TRIM69: variants seen among roughly 807,000 people sequenced by gnomAD.
The protein encoded by TRIM69 is tripartite motif containing 69, also known as E3 ubiquitin-protein ligase TRIM69.
In TRIM69, 29 loss-of-function variants were observed where a neutral mutation model predicts 37.7. That is an observed-to-expected ratio of 0.77 (90% CI 0.57 to 1.05). The LOEUF (loss-of-function observed/expected upper bound fraction) is 1.05, where lower values mean the gene tolerates loss of function less well. TRIM69 is among the 50% of genes least tolerant of loss of function. TRIM69 has a pLI of 0.00. For missense variants in TRIM69, 596 were observed against 579.9 expected, an observed-to-expected ratio of 1.03 and a Z score of -0.28; for synonymous variants, 209 against 212.4, an observed-to-expected ratio of 0.98 and a Z score of 0.14.
rs530963494 is a variant in TRIM69 at position 44,744,927 on chromosome 15, G to A, written c.6+8217G>A. ...CTGCCACCTGGGGAAAGGCATAATA[G>A]TTGGGGCAAACAATAGAGTAACCAA... On this transcript the variant is annotated intron_variant, in intron 1 of 6. Coordinates refer to ENST00000329464, the MANE Select transcript of TRIM69 (RefSeq NM_182985.5). Among the ~76,000 whole-genome samples the A allele has an allele frequency of 8.0e-4, 122 of 152,236 alleles. 1 individual carries two copies. Among genetic ancestry groups the A allele is most frequent in the Non-Finnish European group, 1.4e-3 (94 of 67,994 alleles).
chr15:44,764,721 A>AT (rs2087850684), intron 6 of TRIM69, among the ~76,000 whole-genome samples: 1 of 152,210 alleles, frequency 6.6e-6, no homozygotes, highest in South Asian at 2.1e-4. Context: ...AGCTTAGGGA[A>AT]TTTTTCAATT....
At chr15:44,745,432 G>C (rs2087385171) in intron 1 of TRIM69, among the ~76,000 whole-genome samples, 1 of 152,048 alleles carries the variant, frequency 6.6e-6, no homozygotes, top group South Asian at 2.1e-4. Flanking sequence ...CAGAGAAGGT[G>C]GAAGATTCTG....
At chr15:44,745,069 T>TA (rs35438847) in intron 1 of TRIM69, among the ~76,000 whole-genome samples, 32 of 138,092 alleles carry the variant, frequency 2.3e-4, no homozygotes, top group Admixed American at 4.4e-4. Flanking sequence ...GAGTGCATAC[T>TA]AAAAAAAAAA....
At chr15:44,744,098 C>G (rs1052227904) in intron 1 of TRIM69, among the ~76,000 whole-genome samples, 3 of 151,748 alleles carry the variant, frequency 2.0e-5, no homozygotes, top group South Asian at 2.1e-4. Context: ...AAATGTGGCA[C>G]ATATACACCA....
At chr15:44,758,597 G>C (rs771285499) in intron 3 of TRIM69, 24 bp from the exon 4 acceptor site, 1 of 1,613,024 alleles carries the variant, frequency 6.2e-7, no homozygotes, top group African/African-American at 1.3e-5. Context: ...CAATAACCAT[G>C]GTGATAATCA....
At chr15:44,754,124 CTT>C (rs66486757) in intron 1 of TRIM69, 85,238 of 121,938 alleles carry the variant, frequency 0.7, 29,842 homozygotes, top group Middle Eastern at 0.79. Flanking sequence ...TTGGTCATTC[CTT>C]TTTTTTTTTT....
chr15:44,758,743 G>A lies in TRIM69; in HGVS notation c.702G>A (p.Glu234=). 1 of 1,614,192 alleles carries A rather than the reference G, an allele frequency of 6.2e-7. No homozygotes were observed. Among genetic ancestry groups the A allele is most frequent in the African/African-American group, 1.3e-5 (1 of 75,058 alleles). Reference sequence around the variant, plus strand: ...GGGAAGAGGGGAAAGCCTTGAATGAGGAGATGGAGTTGAATCTGAGCCAGC... The same window carrying A: ...GGGAAGAGGGGAAAGCCTTGAATGAAGAGATGGAGTTGAATCTGAGCCAGC... ...ELREEGKALN[E]EMELNLSQLQ... is the part of the protein sequence containing the mutation. The change falls in exon 4 of 7, where the codon GAG becomes GAA. Residue 234 remains glutamate, a synonymous_variant. Coordinates refer to ENST00000329464, the MANE Select transcript of TRIM69 (RefSeq NM_182985.5).
chr15:44,748,962 C>G (rs889368321), intron 1 of TRIM69, among the ~76,000 whole-genome samples: 5 of 151,910 alleles, frequency 3.3e-5, no homozygotes, highest in Non-Finnish European at 5.9e-5. Context: ...CTCACTGCAG[C>G]CTTAACAGTC....
intron 1 of TRIM69, among the ~76,000 whole-genome samples, chr15:44,752,448 T>C (rs1182894480): frequency 6.6e-6 from 1 of 152,204 alleles, no homozygotes; most frequent in Non-Finnish European, 1.5e-5. Context: ...AGCTACTCCA[T>C]CTTTTTTGGG....
intron 1 of TRIM69, among the ~76,000 whole-genome samples, chr15:44,745,848 G>A (rs1255293125): frequency 1.3e-5 from 2 of 152,102 alleles, no homozygotes; most frequent in Non-Finnish European, 2.9e-5. Flanking sequence ...TTGAGATTAT[G>A]CTGAAGATCA....
rs780565956 is a variant in TRIM69, at chr15:44,767,574, A to G, written c.1305A>G (p.Thr435=). 15 of 1,614,058 alleles carry G rather than the reference A, an allele frequency of 9.3e-6. No individual in the cohort carries two copies. The African/African-American group carries it at 1.9e-4, about 20-fold the overall frequency. ...TGGATTTGCCTTCTTTCAGTCTGAC[A>G]CTGACTAACAACCTCGACAAGGTGG... ...KALDLPSFSL[T]LTNNLDKVGI... Residue 435 remains threonine (T), a synonymous_variant, in exon 7 of 7, where the codon ACA becomes ACG. Transcript: ENST00000329464.
chr15:44,751,758 G>T (rs1297436539), intron 1 of TRIM69, among the ~76,000 whole-genome samples: 3 of 151,962 alleles, frequency 2.0e-5, no homozygotes, highest in African/African-American at 7.3e-5. Flanking sequence ...TTGTTTATTT[G>T]TTTTTGAGAC....
intron 4 of TRIM69, among the ~76,000 whole-genome samples, chr15:44,759,437 G>T (rs2087725525): frequency 1.3e-5 from 2 of 152,208 alleles, no homozygotes; most frequent in Admixed American, 1.3e-4. Context: ...CTGTAGAAGA[G>T]AACTCTAGAA....
Position 44,758,704 on chromosome 15 carries a change from T to G in TRIM69, c.663T>G (p.Ile221Met). 6.2e-7 allele frequency: 1 copy of G among 1,614,104 alleles called. No individual in the cohort carries two copies. Among genetic ancestry groups the G allele is most frequent in the South Asian group, 1.1e-5 (1 of 91,078 alleles). The change falls in exon 4 of 7, where the codon ATT becomes ATG. Residue 221 changes from isoleucine to methionine, a missense_variant. By Grantham distance (10) the Ile-to-Met change is conservative (BLOSUM62 1). Transcript: ENST00000329464. ...HQFLHSKEKD[I>M]LTELREEGKA... ...TCCTGCACAGCAAAGAAAAGGACAT[T>G]TTAACTGAGCTCCGGGAAGAGGGGA...
chr15:44,743,782 G>T (rs1487763011), intron 1 of TRIM69, among the ~76,000 whole-genome samples: 4 of 152,146 alleles, frequency 2.6e-5, no homozygotes, highest in African/African-American at 7.2e-5. Flanking sequence ...AGTTAGAATG[G>T]CATCATTGAA....
At chr15:44,747,295 G>T (rs1246808556) in intron 1 of TRIM69, among the ~76,000 whole-genome samples, 2 of 152,186 alleles carry the variant, frequency 1.3e-5, no homozygotes, top group East Asian at 3.8e-4. Context: ...CAACCCTGCA[G>T]TGTTGATCAT....
At chr15:44,740,512 T>A (rs2087258363) in intron 1 of TRIM69, among the ~76,000 whole-genome samples, 1 of 152,184 alleles carries the variant, frequency 6.6e-6, no homozygotes, top group South Asian at 2.1e-4. Flanking sequence ...ATAACTAGAA[T>A]AACCAATACA....
In TRIM69 at chr15:44,760,504, CTCA is replaced by C. The variant is rs1325539106; in HGVS notation, c.961+637_961+639del. On this transcript the variant is annotated intron_variant, in intron 6 of 6. Transcript: ENST00000329464. Reference sequence around the variant, plus strand: ...ATAGAGTTTTTATAGAATTCATAGACTCATCATTATTATTATTGTTTATGGTTA... The same window carrying C: ...ATAGAGTTTTTATAGAATTCATAGACTCATTATTATTATTGTTTATGGTTA... Among the ~76,000 whole-genome samples, 7 of 152,062 alleles carry C rather than the reference CTCA, an allele frequency of 4.6e-5. No individual in the cohort carries two copies. In the East Asian group the frequency reaches 1.2e-3, roughly 25 times the overall value.
At chr15:44,767,070 A>AAAAAAAAAAAAAAAAAAAAAAAG (rs2087908015) in intron 6 of TRIM69, among the ~76,000 whole-genome samples, 161 bp from the exon 7 acceptor site, 1 of 147,930 alleles carries the variant, frequency 6.8e-6, no homozygotes, top group Non-Finnish European at 1.5e-5. Flanking sequence ...AAAAAAAAAA[A>AAAAAAAAAAAAAAAAAAAAAAAG]AAAAAAAAAA....
Sources: allele counts gnomAD v4.1 joint callset (sites outside exome capture counted in the v4.1 genomes callset), GRCh38; gene constraint gnomAD v4.1.1; transcripts MANE v1.5; gene names NCBI Gene and HGNC (gene_info 2026-07-23, HGNC 2026-07-21).